The following HDLBP variants were observed in gnomAD, a reference collection of about 807,000 sequenced individuals.
HDLBP encodes vigilin.
In HDLBP, 30 loss-of-function variants were observed where a neutral mutation model predicts 137.3. The ratio of observed to expected loss-of-function variants is 0.22; its 90% confidence interval spans 0.16 to 0.30. HDLBP has a LOEUF of 0.30. Among genes scored for constraint, HDLBP ranks in the 10% least tolerant of loss-of-function variants. The probability of loss-of-function intolerance (pLI) is 1.00; values close to 1 mark genes in which losing one functional copy is unlikely to be tolerated. For missense variants in HDLBP, 1,119 were observed against 1,667.3 expected (o/e 0.67, Z 5.73); for synonymous variants, 606 against 596.0 (o/e 1.02, Z -0.24).
chr2:241,288,551 C>T (rs1289015173), intron 1 of HDLBP, among the ~76,000 whole-genome samples: 1 of 152,222 alleles, frequency 6.6e-6, no homozygotes, highest in Non-Finnish European at 1.5e-5. Context: ...GATCATTTAA[C>T]TTACATGACT....
At chr2:241,281,349 C>T (rs1035648678) in intron 1 of HDLBP, among the ~76,000 whole-genome samples, 14 of 151,480 alleles carry the variant, frequency 9.2e-5, no homozygotes, top group African/African-American at 3.4e-4. Flanking sequence ...AGTGAAACTC[C>T]GTCTTAAAAA....
chr2:241,230,690 T>C lies in HDLBP; in HGVS notation c.3474+69A>G, dbSNP rs2069636406. On this transcript the variant is annotated intron_variant, in intron 25 of 27. Transcript: ENST00000310931. The surrounding 1 kb of genome is among the most constrained non-coding windows in gnomAD (Gnocchi z 5.0). The stretch of plus-strand genomic sequence containing the variant: ...TTGAGGGGAAGGCCATGCCCTGCTC[T>C]TTCTTCTGGCCAGCCAGGTGCCCCC... 2.1e-6 allele frequency: 3 copies of C among 1,404,208 alleles called. No individual in the cohort carries two copies. The highest frequency in any genetic ancestry group is 4.7e-5 in the East Asian group (2 of 42,476). 87.0% of individuals were successfully genotyped at this position (1,404,208 alleles called of 1,614,324 possible). A position where few individuals can be genotyped will look rare whatever the true frequency, so the allele number is the denominator to read the frequency against.
intron 1 of HDLBP, among the ~76,000 whole-genome samples, chr2:241,298,870 T>G (rs13382245): frequency 6.6e-6 from 1 of 152,178 alleles, no homozygotes; most frequent in Non-Finnish European, 1.5e-5. Context: ...TCATTAAAAG[T>G]GTCAAGCTCA....
intron 1 of HDLBP, among the ~76,000 whole-genome samples, chr2:241,298,441 A>G (rs12478458): frequency 0.49 from 74,254 of 151,942 alleles, 19,620 homozygotes; most frequent in East Asian, 0.78. Context: ...TCTCAGGGGC[A>G]AACCTGAGAT....
chr2:241,270,974 C>T (rs2073996378), intron 1 of HDLBP: 1 of 984,622 alleles, frequency 1.0e-6, no homozygotes, highest in Non-Finnish European at 1.2e-6. Context: ...TTCTTAATAC[C>T]ACCAGGGACA....
rs1413575588 is a variant in HDLBP, at chr2:241,239,844, A to G, written c.2392-24T>C. On this transcript the variant is annotated intron_variant, in intron 18 of 27. Coordinates refer to ENST00000310931, the MANE Select transcript of HDLBP (RefSeq NM_005336.6). The surrounding 1 kb of genome is among the most constrained non-coding windows in gnomAD (Gnocchi z 4.6). ...TCCTGCAGTGTTAAGAAGAGATGGAAGATAAGCCACCCCATCACGGCCCCA... is the reference window on the plus strand; with the variant it reads ...TCCTGCAGTGTTAAGAAGAGATGGAGGATAAGCCACCCCATCACGGCCCCA... The G allele has an allele frequency of 8.1e-6, 13 of 1,611,932 alleles. No homozygotes were observed. In the East Asian group the frequency reaches 2.5e-4, roughly 30 times the overall value.
At chr2:241,314,651 G>GC (rs932455537) in intron 1 of HDLBP, among the ~76,000 whole-genome samples, 5 of 152,124 alleles carry the variant, frequency 3.3e-5, no homozygotes, top group African/African-American at 1.2e-4. Flanking sequence ...ATTTTACATG[G>GC]CGTCCAAACA....
intron 1 of HDLBP, among the ~76,000 whole-genome samples, chr2:241,299,523 AAAAAAAAG>A (rs1575046675): frequency 6.7e-6 from 1 of 150,294 alleles, no homozygotes; most frequent in East Asian, 2.0e-4. Flanking sequence ...AAAAAAAAAA[AAAAAAAAG>A]AAAGGAAAAC....
intron 1 of HDLBP, chr2:241,315,128 G>A (rs558028862): frequency 2.6e-5 from 4 of 152,104 alleles, no homozygotes; most frequent in Admixed American, 6.5e-5. Flanking sequence ...GAAGGAGAAA[G>A]CTAGGGGCCG....
intron 1 of HDLBP, among the ~76,000 whole-genome samples, chr2:241,298,207 A>C (rs866598482): frequency 1.1e-4 from 16 of 151,992 alleles, no homozygotes; most frequent in Admixed American, 3.9e-4. Flanking sequence ...TCTACTAAAA[A>C]TACAGAAAAT....
chr2:241,239,301 C>T lies in HDLBP; in HGVS notation c.2610+301G>A, dbSNP rs1050847537. On this transcript the variant is annotated intron_variant, in intron 19 of 27. Coordinates refer to ENST00000310931, the MANE Select transcript of HDLBP (RefSeq NM_005336.6). The surrounding 1 kb of genome is among the most constrained non-coding windows in gnomAD (Gnocchi z 4.6). Reference sequence around the variant, plus strand: ...TTTTCATTTTTCCTGATCCCTTATACAGAATGCATTTTCTTTCTTTCTCTT... The same window carrying T: ...TTTTCATTTTTCCTGATCCCTTATATAGAATGCATTTTCTTTCTTTCTCTT... Among the ~76,000 whole-genome samples the T allele has an allele frequency of 1.3e-5, 2 of 152,160 alleles. No homozygotes were observed. Among genetic ancestry groups the T allele is most frequent in the Admixed American group, 6.5e-5 (1 of 15,282 alleles).
intron 1 of HDLBP, among the ~76,000 whole-genome samples, chr2:241,289,064 G>A (rs2074925853): frequency 6.6e-6 from 1 of 152,216 alleles, no homozygotes; most frequent in Non-Finnish European, 1.5e-5. Flanking sequence ...CTAACGCCAT[G>A]GGTGGAAAAT....
At chr2:241,250,279 G>C (rs535490242) in intron 11 of HDLBP, 2 of 258,054 alleles carry the variant, frequency 7.8e-6, no homozygotes, top group Admixed American at 5.0e-5. Flanking sequence ...GATTTAGCTC[G>C]TCTGGGGTAT....
In HDLBP at chr2:241,240,363, G is replaced by T. The variant is rs1302796463; in HGVS notation, c.2170-241C>A. Among the ~76,000 whole-genome samples, 1 of 152,210 alleles carries T rather than the reference G, an allele frequency of 6.6e-6. No individual in the cohort carries two copies. Among genetic ancestry groups the T allele is most frequent in the Non-Finnish European group, 1.5e-5 (1 of 68,046 alleles). The stretch of plus-strand genomic sequence containing the variant: ...CAGATGCTGGTGGGATGAACACACA[G>T]GCTTAGAACCCTGGTCCTGCCACTT... On this transcript the variant is annotated intron_variant, in intron 17 of 27. Coordinates refer to ENST00000310931, the MANE Select transcript of HDLBP (RefSeq NM_005336.6). The surrounding 1 kb of genome is among the most constrained non-coding windows in gnomAD (Gnocchi z 5.5).
intron 10 of HDLBP, 74 bp from the exon 11 acceptor site, chr2:241,253,109 C>A (rs2072330206): frequency 1.8e-6 from 2 of 1,111,958 alleles, no homozygotes; most frequent in African/African-American, 3.1e-5. Flanking sequence ...ACCCAGCAGT[C>A]TCCACGGTTG....
chr2:241,297,907 G>A (rs2075241996), intron 1 of HDLBP, among the ~76,000 whole-genome samples: 1 of 151,734 alleles, frequency 6.6e-6, no homozygotes, highest in African/African-American at 2.4e-5. Context: ...AATTAGCCGG[G>A]CGTGGTGGCA....
intron 8 of HDLBP, 50 bp downstream of exon 8, chr2:241,255,324 C>T (rs2072530421): frequency 2.0e-6 from 3 of 1,529,338 alleles, no homozygotes; most frequent in Non-Finnish European, 2.7e-6. Context: ...CCATGAAGGC[C>T]CCGCGGACTC....
chr2:241,311,131 A>G (rs976871722), intron 1 of HDLBP, among the ~76,000 whole-genome samples: 1 of 150,326 alleles, frequency 6.7e-6, no homozygotes, highest in Non-Finnish European at 1.5e-5. Context: ...AAAACAAAAG[A>G]AAGAAAGAAG....
intron 1 of HDLBP, among the ~76,000 whole-genome samples, chr2:241,301,522 A>T (rs1489015987): frequency 6.6e-6 from 1 of 152,218 alleles, no homozygotes; most frequent in African/African-American, 2.4e-5. Flanking sequence ...TTTTGTTCAC[A>T]CTAGCCAGCA....
Sources: allele counts gnomAD v4.1 joint callset (sites outside exome capture counted in the v4.1 genomes callset), GRCh38; gene constraint gnomAD v4.1.1; non-coding constraint Gnocchi (gnomAD v3.1); transcripts MANE v1.5; gene names NCBI Gene and HGNC (gene_info 2026-07-23, HGNC 2026-07-21).